RGS12: variants seen among roughly 807,000 people sequenced by gnomAD.
RGS12 encodes regulator of G-protein signaling 12.
Under a neutral mutation model 120.1 loss-of-function variants are expected in RGS12, and 66 were observed. That is an observed-to-expected ratio of 0.55 (90% confidence interval 0.45 to 0.67). The LOEUF (loss-of-function observed/expected upper bound fraction) is 0.67. Ranked by LOEUF, RGS12 falls within the 30% of genes least tolerant of loss-of-function variation. The pLI, the probability that RGS12 is intolerant of heterozygous loss-of-function variation, is 0.00. For missense variants in RGS12, 1,859 were observed against 1,957.7 expected (o/e 0.95, Z 0.95); for synonymous variants, 827 against 804.7 (o/e 1.03, Z -0.47).
At chr4:3,407,961 A>G (rs987255107) in intron 4 of RGS12, among the ~76,000 whole-genome samples, 1 of 152,264 alleles carries the variant, frequency 6.6e-6, no homozygotes, top group Non-Finnish European at 1.5e-5. Flanking sequence ...TCTTTGACTC[A>G]GATGGGTCAG....
Position 3,422,446 on chromosome 4 carries a change from A to G in RGS12, c.2909A>G (p.Asp970Gly). The G allele has an allele frequency of 6.2e-7, 1 of 1,613,128 alleles. No individual in the cohort carries two copies. Among genetic ancestry groups the G allele is most frequent in the Non-Finnish European group, 8.5e-7 (1 of 1,179,984 alleles). The change falls in exon 11 of 18, where the codon GAT (aspartate) becomes GGT (glycine). Residue 970 changes from aspartate (D) to glycine (G), a missense_variant. Physicochemically the swap from Asp to Gly is moderately conservative, Grantham distance 94 (BLOSUM62 -1). This residue lies in a region of RGS12 where 375 missense variants were observed against 475.0 expected (regional missense o/e 0.79). Transcript: ENST00000336727. ...ATKHCCIHLP[D>G]GTSCVVAVKA... ...AAGCACTGCTGCATTCATCTCCCGGATGGGACATCCTGCGTGGTGGCTGTC... is the reference window on the plus strand; with the variant it reads ...AAGCACTGCTGCATTCATCTCCCGGGTGGGACATCCTGCGTGGTGGCTGTC...
chr4:3,386,012 C>T, intron 3 of RGS12: 1 of 219,164 alleles, frequency 4.6e-6, no homozygotes, highest in South Asian at 8.8e-5. Context: ...GGTGGCTGCC[C>T]CCGAGTGTGG....
intron 3 of RGS12, among the ~76,000 whole-genome samples, chr4:3,376,711 TG>T (rs1717737908): frequency 6.6e-6 from 1 of 152,232 alleles, no homozygotes; most frequent in South Asian, 2.1e-4. Flanking sequence ...GCCGGTCCCT[TG>T]GAGGGTCATG....
chr4:3,321,770 C>T (rs1268797519), intron 2 of RGS12, among the ~76,000 whole-genome samples: 1 of 152,242 alleles, frequency 6.6e-6, no homozygotes, highest in Non-Finnish European at 1.5e-5. Context: ...CAGGCCTGGG[C>T]AGGGGCCCCT....
At chr4:3,383,499 A>C (rs1278177935) in intron 3 of RGS12, among the ~76,000 whole-genome samples, 1 of 152,098 alleles carries the variant, frequency 6.6e-6, no homozygotes, top group African/African-American at 2.4e-5. Flanking sequence ...CCAGCTACTT[A>C]GGAGGCTGAC....
At chr4:3,339,237 C>G (rs1479348022) in intron 2 of RGS12, among the ~76,000 whole-genome samples, 1 of 152,162 alleles carries the variant, frequency 6.6e-6, no homozygotes, top group Non-Finnish European at 1.5e-5. Flanking sequence ...AATCTCAGCA[C>G]TTTGGGATGC....
chr4:3,307,321 G>T (rs886694853), intron 1 of RGS12, among the ~76,000 whole-genome samples: 3 of 152,230 alleles, frequency 2.0e-5, no homozygotes, highest in Non-Finnish European at 4.4e-5. Flanking sequence ...CTGCGGCAGC[G>T]TGTGCACACG....
At chr4:3,344,162 A>G (rs1159073852) in intron 3 of RGS12, among the ~76,000 whole-genome samples, 2 of 152,106 alleles carry the variant, frequency 1.3e-5, no homozygotes, top group African/African-American at 4.8e-5. Context: ...CCAGGAGAAA[A>G]GGTGGCTTCA....
At chr4:3,420,544 C>A (rs543436251) in intron 9 of RGS12, 98 bp from the exon 10 acceptor site, 3 of 1,216,726 alleles carry the variant, frequency 2.5e-6, no homozygotes, top group Admixed American at 3.6e-5. Context: ...GGCTTCCTGG[C>A]GTCTGTCTGC....
At chr4:3,292,806 C>G (rs1004810316), upstream of RGS12, among the ~76,000 whole-genome samples, 6 of 152,174 alleles carry the variant, frequency 3.9e-5, no homozygotes, top group South Asian at 2.1e-4. Flanking sequence ...GTGGAGGCCC[C>G]GTCCCTCGCT....
chr4:3,398,329 A>G (rs932701197), intron 4 of RGS12, among the ~76,000 whole-genome samples: 1 of 152,222 alleles, frequency 6.6e-6, no homozygotes, highest in African/African-American at 2.4e-5. Context: ...AAAATAAGCG[A>G]TGTTGAACCA....
chr4:3,404,804 T>A (rs1720940389), intron 4 of RGS12, among the ~76,000 whole-genome samples: 1 of 152,240 alleles, frequency 6.6e-6, no homozygotes, highest in South Asian at 2.1e-4. Context: ...CAGATTTTGG[T>A]GTCTATACCT....
chr4:3,375,726 G>T (rs1162086499), intron 3 of RGS12, among the ~76,000 whole-genome samples: 6 of 120,626 alleles, frequency 5.0e-5, no homozygotes, highest in South Asian at 3.0e-4. Context: ...CTCATCTCCA[G>T]CCCTCATCTC....
rs781679823 is a variant in RGS12, at chr4:3,317,732, C to G, written c.1562C>G (p.Pro521Arg). Reference protein sequence around the residue: ...PPASLRSSVPPSKRGTVGAGC... With the variant: ...PPASLRSSVPRSKRGTVGAGC... ...GCTTCCTTGAGGAGCTCAGTCCCCC[C>G]TTCCAAGAGGGGCACCGTGGGTGCT... Residue 521 changes from proline to arginine, a missense_variant, in exon 2 of 18, where the codon CCT becomes CGT. Physicochemically the swap from Pro to Arg is moderately radical, Grantham distance 103. Around this residue, in one of 3 missense-constraint regions of RGS12, gnomAD observed 967 missense variants for 994.2 expected, o/e 0.97. Coordinates refer to ENST00000336727, the MANE Select transcript of RGS12 (RefSeq NM_001394154.1). The G allele has an allele frequency of 6.2e-7, 1 of 1,613,452 alleles. No homozygotes were observed. Among genetic ancestry groups the G allele is most frequent in the Non-Finnish European group, 8.5e-7 (1 of 1,180,018 alleles).
At chr4:3,342,018 G>GGA (rs1234484672) in intron 2 of RGS12, among the ~76,000 whole-genome samples, 2 of 151,392 alleles carry the variant, frequency 1.3e-5, no homozygotes, top group African/African-American at 4.9e-5. Flanking sequence ...CAAGGAGAGG[G>GGA]GAGAGGCGGG....
chr4:3,424,210 A>G (rs1374849476), intron 13 of RGS12, among the ~76,000 whole-genome samples: 1 of 152,240 alleles, frequency 6.6e-6, no homozygotes, highest in Non-Finnish European at 1.5e-5. Flanking sequence ...GGCCCCGCTG[A>G]GGGTGCTCTG....
the RGS12 span, among the ~76,000 whole-genome samples, chr4:3,286,997 T>C: frequency 6.6e-6 from 1 of 151,632 alleles, no homozygotes; most frequent in East Asian, 1.9e-4. Context: ...ACTTGATGGG[T>C]GAATGGGTTG....
intron 2 of RGS12, among the ~76,000 whole-genome samples, chr4:3,333,763 T>G (rs1437510064): frequency 2.0e-5 from 3 of 152,232 alleles, no homozygotes; most frequent in Non-Finnish European, 4.4e-5. Flanking sequence ...TAGGGCAGGT[T>G]TTCTTGTCTG....
At chr4:3,423,751 C>G in intron 13 of RGS12, 110 bp downstream of exon 13, 2 of 1,381,898 alleles carry the variant, frequency 1.4e-6, no homozygotes, top group Non-Finnish European at 1.9e-6. Flanking sequence ...GTGTCTTCCC[C>G]TGATCTGGTT....
Sources: allele counts gnomAD v4.1 joint callset (sites outside exome capture counted in the v4.1 genomes callset), GRCh38; gene constraint gnomAD v4.1.1; regional missense constraint gnomAD v4.1.1; transcripts MANE v1.5; gene names NCBI Gene and HGNC (gene_info 2026-07-23, HGNC 2026-07-21).